Variants in FMNL2 observed in about 807,000 individuals in gnomAD.
The protein encoded by FMNL2 is formin-like protein 2.
Under a neutral mutation model 130.2 loss-of-function variants are expected in FMNL2, and 51 were observed. The ratio of observed to expected loss-of-function variants is 0.39; its 90% CI spans 0.31 to 0.49. The LOEUF (loss-of-function observed/expected upper bound fraction) is 0.49. Ranked by LOEUF, FMNL2 falls within the 20% of genes least tolerant of loss-of-function variation. FMNL2 has a pLI of 0.85. For synonymous variants in FMNL2, 465 were observed against 467.1 expected (o/e 1.00, Z 0.06); for missense variants, 977 against 1,316.2 (o/e 0.74, Z 3.99).
chr2:152,647,850 G>A lies in FMNL2; in HGVS notation c.3224G>A (p.Arg1075Gln), dbSNP rs746670575. ...GATGCGGTGAGGAGAAGCGTCAGGC[G>A]GCGCTTTGATGATCAGAACTTGCGT... ...RADAVRRSVRRRFDDQNLRSV... is the reference protein window; with the variant it reads ...RADAVRRSVRQRFDDQNLRSV... The change falls in exon 26 of 26, where the codon CGG becomes CAG. Residue 1075 changes from arginine (R) to glutamine (Q), a missense_variant. Coordinates refer to ENST00000288670, the MANE Select transcript of FMNL2 (RefSeq NM_052905.4). 3.9e-5 allele frequency: 63 copies of A among 1,613,798 alleles called. No homozygotes were observed. The highest frequency in any genetic ancestry group is 3.7e-4 in the South Asian group (34 of 91,072).
intron 1 of FMNL2, among the ~76,000 whole-genome samples, chr2:152,479,195 C>G (rs956346767): frequency 2.0e-5 from 3 of 152,114 alleles, no homozygotes; most frequent in African/African-American, 7.2e-5. Flanking sequence ...GTGATCATGG[C>G]TCACTGCAGC....
intron 1 of FMNL2, among the ~76,000 whole-genome samples, chr2:152,489,458 C>T (rs1282627882): frequency 6.6e-6 from 1 of 152,166 alleles, no homozygotes; most frequent in Admixed American, 6.5e-5. Context: ...TCACCAGCTA[C>T]CTGTACCAGT....
chr2:152,511,448 G>A (rs994966613), intron 1 of FMNL2, among the ~76,000 whole-genome samples: 2 of 152,220 alleles, frequency 1.3e-5, no homozygotes, highest in South Asian at 2.1e-4. Flanking sequence ...AGTTGCAGCT[G>A]TTTGCAAATG....
chr2:152,498,270 T>C (rs12987348), intron 1 of FMNL2, among the ~76,000 whole-genome samples: 5,898 of 152,286 alleles, frequency 0.039, 353 homozygotes, highest in African/African-American at 0.13. Flanking sequence ...AATTGCAAGA[T>C]AGCCTCCAAG....
Position 152,628,500 on chromosome 2 carries a change from G to C in FMNL2, c.2367G>C (p.Gly789=). The change falls in exon 18 of 26, where the codon GGG becomes GGC. Residue 789 remains glycine (G), a synonymous_variant. Coordinates refer to ENST00000288670, the MANE Select transcript of FMNL2 (RefSeq NM_052905.4). ...MQKMTIMAFI[G]NFAESIQMLT... ...AGATGACCATCATGGCCTTCATTGGGAACTTTGCTGAAAGCATTCAGATGC... is the reference window on the plus strand; with the variant it reads ...AGATGACCATCATGGCCTTCATTGGCAACTTTGCTGAAAGCATTCAGATGC... The C allele has an allele frequency of 6.2e-7, 1 of 1,613,996 alleles. No homozygotes were observed. The highest frequency in any genetic ancestry group is 8.5e-7 in the Non-Finnish European group (1 of 1,179,884).
chr2:152,511,989 A>G (rs1692517973), intron 1 of FMNL2, among the ~76,000 whole-genome samples: 1 of 152,182 alleles, frequency 6.6e-6, no homozygotes, highest in East Asian at 1.9e-4. Context: ...TCAACAGCAG[A>G]ATAAGAACAC....
intron 1 of FMNL2, among the ~76,000 whole-genome samples, chr2:152,468,147 AT>A (rs1689657537): frequency 6.6e-6 from 1 of 152,202 alleles, no homozygotes; most frequent in South Asian, 2.1e-4. Flanking sequence ...TGATACCTTT[AT>A]TTGAGGGATT....
At chr2:152,594,841 A>G (rs1284306281) in intron 9 of FMNL2, among the ~76,000 whole-genome samples, 1 of 152,230 alleles carries the variant, frequency 6.6e-6, no homozygotes. Flanking sequence ...AAGAATATAT[A>G]GTCAGACTCG....
At chr2:152,344,670 T>C (rs544564677) in intron 1 of FMNL2, among the ~76,000 whole-genome samples, 1 of 152,358 alleles carries the variant, frequency 6.6e-6, no homozygotes, top group Non-Finnish European at 1.5e-5. Context: ...AGTATACTTC[T>C]GGAGTAGAAC....
rs1197495989 is a variant in FMNL2 at position 152,390,159 on chromosome 2, T to G, written c.117+54439T>G. The G allele has an allele frequency of 6.3e-6, 8 of 1,270,796 alleles. No individual in the cohort carries two copies. In the East Asian group the frequency reaches 1.9e-4, roughly 29 times the overall value. The allele number at this position is 1,270,796 out of a possible 1,614,324, so 78.7% of individuals were successfully genotyped here. A position where few individuals can be genotyped will look rare whatever the true frequency, so the allele number is the denominator to read the frequency against. On this transcript the variant is annotated intron_variant, in intron 1 of 25. Coordinates refer to ENST00000288670, the MANE Select transcript of FMNL2 (RefSeq NM_052905.4). ...CGGGGCAGACCTGCCCAATTACTGC[T>G]GGACCCAGAGCCTGTCGGAGCTGGA...
chr2:152,426,128 T>C (rs369187403), intron 1 of FMNL2, among the ~76,000 whole-genome samples: 1 of 152,160 alleles, frequency 6.6e-6, no homozygotes, highest in Non-Finnish European at 1.5e-5. Context: ...TAAATGGAGA[T>C]GGGTGACAGG....
At chr2:152,622,124 C>T (rs1216128350) in intron 15 of FMNL2, among the ~76,000 whole-genome samples, 1 of 152,156 alleles carries the variant, frequency 6.6e-6, no homozygotes, top group Non-Finnish European at 1.5e-5. Context: ...GGCTCCCTTT[C>T]CCCCGGTAGG....
At chr2:152,442,370 A>C (rs933100316) in intron 1 of FMNL2, among the ~76,000 whole-genome samples, 1 of 148,820 alleles carries the variant, frequency 6.7e-6, no homozygotes, top group Non-Finnish European at 1.5e-5. Context: ...TCCTGCCTCA[A>C]CCTCCCTAGT....
intron 13 of FMNL2, among the ~76,000 whole-genome samples, chr2:152,617,819 G>A (rs1275112133): frequency 1.3e-5 from 2 of 152,202 alleles, no homozygotes; most frequent in Non-Finnish European, 2.9e-5. Flanking sequence ...AATGCCTGGA[G>A]AGCTTTAAGG....
chr2:152,549,762 A>G (rs771511629), intron 4 of FMNL2, among the ~76,000 whole-genome samples: 12 of 152,196 alleles, frequency 7.9e-5, no homozygotes, highest in Non-Finnish European at 1.8e-4. Flanking sequence ...TAATTGTACT[A>G]TGTCTTAAAA....
chr2:152,457,295 T>G (rs1033109543), intron 1 of FMNL2, among the ~76,000 whole-genome samples: 4 of 152,220 alleles, frequency 2.6e-5, no homozygotes, highest in African/African-American at 9.6e-5. Flanking sequence ...TCCATGGAAC[T>G]CAGAATGGGG....
intron 1 of FMNL2, among the ~76,000 whole-genome samples, chr2:152,360,264 C>T (rs917597838): frequency 6.6e-6 from 1 of 152,078 alleles, no homozygotes; most frequent in Admixed American, 6.6e-5. Flanking sequence ...AATTGTTTCT[C>T]CATTTTTTAG....
chr2:152,575,606 A>G (rs1696432529), intron 7 of FMNL2, among the ~76,000 whole-genome samples: 1 of 152,170 alleles, frequency 6.6e-6, no homozygotes, highest in South Asian at 2.1e-4. Context: ...TATTTTAATA[A>G]ATATATATAA....
At chr2:152,379,451 T>C (rs1259186283) in intron 1 of FMNL2, among the ~76,000 whole-genome samples, 1 of 152,250 alleles carries the variant, frequency 6.6e-6, no homozygotes, top group African/African-American at 2.4e-5. Flanking sequence ...CTCAGAGATC[T>C]GGGCTGCCTT....
Sources: allele counts gnomAD v4.1 joint callset (sites outside exome capture counted in the v4.1 genomes callset), GRCh38; gene constraint gnomAD v4.1.1; transcripts MANE v1.5; gene names NCBI Gene and HGNC (gene_info 2026-07-23, HGNC 2026-07-21).